LTBP1: variants seen among roughly 807,000 people sequenced by gnomAD.
The protein encoded by LTBP1 is latent transforming growth factor beta binding protein 1.
In LTBP1, 129 loss-of-function variants were observed where a neutral mutation model predicts 207.6. The ratio of observed to expected loss-of-function variants is 0.62; its 90% CI spans 0.54 to 0.72. LTBP1 has a LOEUF of 0.72. Ranked by LOEUF, LTBP1 falls within the 30% of genes least tolerant of loss-of-function variation. LTBP1 has a pLI of 0.00. For synonymous variants in LTBP1, 963 were observed against 833.7 expected, an observed-to-expected ratio of 1.16 and a Z score of -2.67; for missense variants, 2,281 against 2,217.2, an observed-to-expected ratio of 1.03 and a Z score of -0.58.
chr2:33,082,752 T>G (rs1388389666), intron 3 of LTBP1, among the ~76,000 whole-genome samples: 1 of 152,176 alleles, frequency 6.6e-6, no homozygotes, highest in East Asian at 1.9e-4. Flanking sequence ...TAACTCCGTT[T>G]ATATTTCAGG....
chr2:33,312,374 T>C (rs1006161691), intron 23 of LTBP1, among the ~76,000 whole-genome samples: 7 of 152,230 alleles, frequency 4.6e-5, no homozygotes, highest in African/African-American at 7.2e-5. Context: ...TTCTTTCCCA[T>C]ACAAAACTAA....
At chr2:33,151,403 G>C (rs1034694277) in intron 5 of LTBP1, among the ~76,000 whole-genome samples, 2 of 152,080 alleles carry the variant, frequency 1.3e-5, no homozygotes, top group African/African-American at 2.4e-5. Context: ...CTACATCCTT[G>C]ACAACACTTA....
intron 2 of LTBP1, among the ~76,000 whole-genome samples, chr2:32,952,403 T>C (rs916305072): frequency 6.6e-6 from 1 of 152,184 alleles, no homozygotes; most frequent in Non-Finnish European, 1.5e-5. Flanking sequence ...CCAGACACCA[T>C]TTGTATGTGG....
intron 2 of LTBP1, among the ~76,000 whole-genome samples, chr2:32,977,209 C>G (rs150537301): frequency 4.4e-4 from 67 of 152,354 alleles, no homozygotes; most frequent in African/African-American, 1.6e-3. Flanking sequence ...CAGGTGTTTC[C>G]CAGGACAACA....
intron 24 of LTBP1, among the ~76,000 whole-genome samples, chr2:33,322,888 T>C (rs2094376246): frequency 6.6e-6 from 1 of 152,234 alleles, no homozygotes; most frequent in East Asian, 1.9e-4. Context: ...TGTTCTTTTT[T>C]CCTTTTGCTT....
chr2:33,269,141 T>G (rs897077495), intron 15 of LTBP1, among the ~76,000 whole-genome samples: 1 of 152,068 alleles, frequency 6.6e-6, no homozygotes, highest in Non-Finnish European at 1.5e-5. Context: ...ATTCAGGGAA[T>G]CACATGATGA....
At chr2:33,089,844 T>C (rs2078979204) in intron 3 of LTBP1, among the ~76,000 whole-genome samples, 1 of 152,222 alleles carries the variant, frequency 6.6e-6, no homozygotes, top group Non-Finnish European at 1.5e-5. Flanking sequence ...CATTTGCTTT[T>C]CAAACAGTGC....
chr2:33,133,535 C>T (rs1467320942), intron 4 of LTBP1, among the ~76,000 whole-genome samples: 2 of 152,178 alleles, frequency 1.3e-5, no homozygotes, highest in African/African-American at 4.8e-5. Flanking sequence ...GCAATCAAAA[C>T]AGTGTGTGTC....
At position 33,134,872 on chromosome 2, in the gene LTBP1, G is replaced by C; in HGVS notation, c.1113G>C (p.Gln371His). Residue 371 changes from glutamine to histidine, a missense_variant, in exon 5 of 34, where the codon CAG becomes CAC. Gln to His is a conservative substitution (Grantham distance 24). This residue lies in a region of LTBP1 where 55 missense variants were observed against 91.5 expected (regional missense o/e 0.60). Coordinates refer to ENST00000404816, the MANE Select transcript of LTBP1 (RefSeq NM_206943.4). The surrounding 1 kb of genome is among the most constrained non-coding windows in gnomAD (Gnocchi z 4.4). The stretch of plus-strand genomic sequence containing the variant: ...TGACCTGCACCAAGGGCAGCTGTCA[G>C]AACAGCTGTGAGAAGGGGAACACCA... ...CKVTCTKGSC[Q>H]NSCEKGNTTT... 11 of 1,614,082 alleles carry C rather than the reference G, an allele frequency of 6.8e-6. No homozygotes were observed. The highest frequency in any genetic ancestry group is 9.3e-6 in the Non-Finnish European group (11 of 1,180,004).
At position 33,151,821 on chromosome 2, in the gene LTBP1, TTTTGTGTGTG is replaced by T. The variant is rs1442253073; in HGVS notation, c.1201+16863_1201+16872del. Among the ~76,000 whole-genome samples the T allele has an allele frequency of 5.9e-3, 834 of 140,832 alleles. 8 individuals are homozygous for T. Among genetic ancestry groups the T allele is most frequent in the African/African-American group, 4.0e-3 (152 of 37,580 alleles). The allele number at this position is 140,832 out of a possible 152,430, so 92.4% of individuals were successfully genotyped here. On this transcript the variant is annotated intron_variant, in intron 5 of 33. Transcript: ENST00000404816. ...CTTTTTATGGCTGAGTAGTATTCCA[TTTTGTGTGTG>T]TGTGTGTGTGTGTGTGTGTGTGTGT...
chr2:33,318,100 A>G (rs535447746), intron 24 of LTBP1, among the ~76,000 whole-genome samples: 1 of 152,296 alleles, frequency 6.6e-6, no homozygotes, highest in African/African-American at 2.4e-5. Flanking sequence ...AGGGATGCTC[A>G]ACAGGTAAGA....
intron 10 of LTBP1, among the ~76,000 whole-genome samples, chr2:33,251,485 C>G (rs2092682067): frequency 6.6e-6 from 1 of 151,890 alleles, no homozygotes; most frequent in Admixed American, 6.6e-5. Context: ...ACGGTGAAAC[C>G]CTGTCTCTAC....
At chr2:33,356,791 C>T (rs1237615187) in intron 26 of LTBP1, among the ~76,000 whole-genome samples, 1 of 152,186 alleles carries the variant, frequency 6.6e-6, no homozygotes, top group Admixed American at 6.5e-5. Context: ...ACATTAATGC[C>T]TGTAGCATTT....
intron 3 of LTBP1, among the ~76,000 whole-genome samples, chr2:33,063,976 C>T (rs1270056509): frequency 6.6e-6 from 1 of 151,964 alleles, no homozygotes; most frequent in African/African-American, 2.4e-5. Flanking sequence ...GCCTCAGCCT[C>T]CTGAGTAGCT....
chr2:33,221,705 C>T (rs2091118331), intron 8 of LTBP1, among the ~76,000 whole-genome samples: 2 of 152,120 alleles, frequency 1.3e-5, no homozygotes, highest in African/African-American at 2.4e-5. Flanking sequence ...CAGAATGTTC[C>T]AGGACGTGTA....
rs146629077 is a variant in LTBP1 at position 33,241,482 on chromosome 2, A to G, written c.1877-2180A>G. ...ACTAGGCATTGGTTGTAAATCAGGTATTTATGAGTCTGGGGGGAAACCTCT... is the reference window on the plus strand; with the variant it reads ...ACTAGGCATTGGTTGTAAATCAGGTGTTTATGAGTCTGGGGGGAAACCTCT... On this transcript the variant is annotated intron_variant, in intron 9 of 33. Transcript: ENST00000404816. Among the ~76,000 whole-genome samples, 855 of 152,284 alleles carry G rather than the reference A, an allele frequency of 5.6e-3. 15 individuals are homozygous for G. Among genetic ancestry groups the G allele is most frequent in the African/African-American group, 0.019 (804 of 41,560 alleles).
chr2:32,983,610 G>A (rs1683098600), intron 2 of LTBP1, among the ~76,000 whole-genome samples: 1 of 152,184 alleles, frequency 6.6e-6, no homozygotes, highest in Non-Finnish European at 1.5e-5. Flanking sequence ...GGACCTGGTG[G>A]GAAGTAATTG....
intron 19 of LTBP1, among the ~76,000 whole-genome samples, chr2:33,281,852 A>G (rs952868049): frequency 1.3e-5 from 2 of 152,150 alleles, no homozygotes; most frequent in Admixed American, 6.5e-5. Context: ...ATACTTGCCT[A>G]TCAAGGTTCC....
chr2:33,171,972 C>T (rs1390368465), intron 5 of LTBP1, among the ~76,000 whole-genome samples: 3 of 148,608 alleles, frequency 2.0e-5, no homozygotes, highest in African/African-American at 7.3e-5. Context: ...GATTTTGTCA[C>T]CACCAGGCCT....
Sources: allele counts gnomAD v4.1 joint callset (sites outside exome capture counted in the v4.1 genomes callset), GRCh38; gene constraint gnomAD v4.1.1; regional missense constraint gnomAD v4.1.1; non-coding constraint Gnocchi (gnomAD v3.1); transcripts MANE v1.5; gene names NCBI Gene and HGNC (gene_info 2026-07-23, HGNC 2026-07-21).